CD44: variants seen among roughly 807,000 people sequenced by gnomAD.
CD44 encodes the protein CD44 antigen.
In CD44, 49 loss-of-function variants were observed where a neutral mutation model predicts 88.8. That is an observed-to-expected ratio of 0.55 (90% CI 0.44 to 0.70). CD44 has a LOEUF of 0.70. CD44 is among the 30% of genes least tolerant of loss of function. The pLI, the probability that CD44 is intolerant of heterozygous loss-of-function variation, is 0.00. For missense variants in CD44, 883 were observed against 913.8 expected (o/e 0.97, Z 0.43); for synonymous variants, 325 against 312.3 (o/e 1.04, Z -0.43).
At chr11:35,145,338 C>T (rs919263769) in intron 1 of CD44, among the ~76,000 whole-genome samples, 4 of 152,144 alleles carry the variant, frequency 2.6e-5, no homozygotes, top group Admixed American at 2.6e-4. Context: ...AGCATGCTGT[C>T]AGTATGGGCT....
In CD44 at chr11:35,226,915, T is replaced by C. The variant is rs551169320; in HGVS notation, c.2025-2214T>C. ...TTTTTTTTTTTTTGAGACGGAGTCT[T>C]ACTGTGTCACCCAGGCTGGAGTGCG... On this transcript the variant is annotated intron_variant, in intron 17 of 17. Coordinates refer to ENST00000428726, the MANE Select transcript of CD44 (RefSeq NM_000610.4). Among the ~76,000 whole-genome samples, 1,003 of 143,656 alleles carry C rather than the reference T, an allele frequency of 7.0e-3. 20 individuals are homozygous for C. Among genetic ancestry groups the C allele is most frequent in the African/African-American group, 0.025 (945 of 37,778 alleles). The allele number at this position is 143,656 out of a possible 152,430, so 94.2% of individuals were successfully genotyped here. A position where few individuals can be genotyped will look rare whatever the true frequency, so the allele number is the denominator to read the frequency against.
intron 1 of CD44, among the ~76,000 whole-genome samples, chr11:35,150,991 A>G (rs146731233): frequency 2.0e-5 from 3 of 152,366 alleles, no homozygotes; most frequent in Non-Finnish European, 4.4e-5. Flanking sequence ...AAAGTTAAAC[A>G]GGTGAAAGAA....
rs75713029 is a variant in CD44, at chr11:35,226,335, A to C, written c.2025-2794A>C. Among the ~76,000 whole-genome samples, 728 of 152,294 alleles carry C rather than the reference A, an allele frequency of 4.8e-3. 4 individuals carry two copies. The highest frequency in any genetic ancestry group is 0.017 in the African/African-American group (697 of 41,546). ...TCACTTTCCCACAATATTTCATTCC[A>C]TCCCTCAACCACCCATTGGTTAGGG... On this transcript the variant is annotated intron_variant, in intron 17 of 17. Transcript: ENST00000428726.
intron 14 of CD44, 46 bp downstream of exon 14, chr11:35,211,495 A>C (rs34784484): frequency 7.2e-7 from 1 of 1,393,428 alleles, no homozygotes; most frequent in Non-Finnish European, 1.0e-6. Flanking sequence ...ATATAGAGAA[A>C]CAATATATAG....
intron 1 of CD44, among the ~76,000 whole-genome samples, chr11:35,147,869 A>T (rs1027126862): frequency 1.3e-5 from 2 of 152,060 alleles, no homozygotes; most frequent in Non-Finnish European, 2.9e-5. Context: ...CAGGCGGATG[A>T]CCTGAGGTCG....
chr11:35,221,182 TGTAGTGC>T (rs1949267028), intron 16 of CD44, among the ~76,000 whole-genome samples: 1 of 152,224 alleles, frequency 6.6e-6, no homozygotes, highest in Non-Finnish European at 1.5e-5. Context: ...CTCCTCATAT[TGTAGTGC>T]GTAATGCAAT....
rs527895781 is a variant in CD44 at position 35,208,321 on chromosome 11, C to A, written c.1516+115C>A. ...TGGAATGGTGCTATGTGGCTTACTT[C>A]AGCCCAGAGTGTGAAACTGTCTTCA... is the stretch of plus-strand genomic sequence containing the variant. On this transcript the variant is annotated intron_variant, in intron 12 of 17. Transcript: ENST00000428726. 5.9e-5 allele frequency: 44 copies of A among 742,710 alleles called. No homozygotes were observed. In the African/African-American group the frequency reaches 6.9e-4, roughly 12 times the overall value. 46.0% of individuals were successfully genotyped at this position (742,710 alleles called of 1,614,324 possible). A position where few individuals can be genotyped will look rare whatever the true frequency, so the allele number is the denominator to read the frequency against.
rs1859013629 is a variant in CD44, at chr11:35,145,724, C to T, written c.67+6354C>T. ...GGGTGAGAGGCCCACACTCCTCCAA[C>T]CCCCATGTCTGCTTCTGGAAGGTGG... On this transcript the variant is annotated intron_variant, in intron 1 of 17. Coordinates refer to ENST00000428726, the MANE Select transcript of CD44 (RefSeq NM_000610.4). Among the ~76,000 whole-genome samples the T allele has an allele frequency of 2.0e-5, 3 of 152,294 alleles. No homozygotes were observed. The South Asian group carries it at 6.2e-4, about 32-fold the overall frequency.
At chr11:35,203,608 A>T (rs771686758) in intron 9 of CD44, among the ~76,000 whole-genome samples, 1 of 152,158 alleles carries the variant, frequency 6.6e-6, no homozygotes, top group Non-Finnish European at 1.5e-5. Flanking sequence ...ACCAAATCAC[A>T]CATATCATTT....
chr11:35,204,623 C>G lies in CD44; in HGVS notation c.1265C>G (p.Ser422Trp), dbSNP rs146499680. 2 of 1,613,008 alleles carry G rather than the reference C, an allele frequency of 1.2e-6. No individual in the cohort carries two copies. Among genetic ancestry groups the G allele is most frequent in the Non-Finnish European group, 1.7e-6 (2 of 1,179,214 alleles). The change falls in exon 10 of 18, where the codon TCG (serine) becomes TGG (tryptophan). Residue 422 changes from serine to tryptophan, a missense_variant. Transcript: ENST00000428726. ...YRQTPKEDSH[S>W]TTGTAAASAH... ...CAAACACCCAAAGAAGACTCCCATT[C>G]GACAACAGGGACAGCTGGTAATGGA...
chr11:35,223,158 G>A, intron 17 of CD44: 2 of 985,392 alleles, frequency 2.0e-6, no homozygotes, highest in African/African-American at 3.5e-5. Context: ...ACAAAACTGA[G>A]AGAAAAAATC....
chr11:35,144,822 C>G (rs1858800660), intron 1 of CD44, among the ~76,000 whole-genome samples: 1 of 152,210 alleles, frequency 6.6e-6, no homozygotes, highest in Non-Finnish European at 1.5e-5. Context: ...AAGTCAAACA[C>G]TTTTTAAAAA....
intron 1 of CD44, among the ~76,000 whole-genome samples, chr11:35,141,374 C>A (rs1857897609): frequency 6.6e-6 from 1 of 152,196 alleles, no homozygotes; most frequent in Non-Finnish European, 1.5e-5. Context: ...CCAAAAGGGA[C>A]TGGAGCTCAA....
chr11:35,204,539 A>G lies in CD44; in HGVS notation c.1181A>G (p.Glu394Gly). 6.2e-7 allele frequency: 1 copy of G among 1,613,476 alleles called. No homozygotes were observed. Among genetic ancestry groups the G allele is most frequent in the Non-Finnish European group, 8.5e-7 (1 of 1,179,502 alleles). The change falls in exon 10 of 18, where the codon GAA becomes GGA. Residue 394 changes from glutamate (E) to glycine (G), a missense_variant. Glu to Gly is a moderately conservative substitution (Grantham distance 98, BLOSUM62 -2). Transcript: ENST00000428726. ...TIQATPSSTT[E>G]ETATQKEQWF... is the part of the protein sequence containing the mutation. ...CAGGCAACTCCTAGTAGTACAACGG[A>G]AGAAACAGCTACCCAGAAGGAACAG...
intron 9 of CD44, among the ~76,000 whole-genome samples, chr11:35,203,498 T>C (rs1411917046): frequency 2.6e-5 from 4 of 152,146 alleles, no homozygotes; most frequent in Non-Finnish European, 4.4e-5. Context: ...GATTTTGGCT[T>C]TTTTCCCCCT....
intron 1 of CD44, among the ~76,000 whole-genome samples, chr11:35,144,625 G>T (rs1240857030): frequency 6.6e-6 from 1 of 152,098 alleles, no homozygotes; most frequent in African/African-American, 2.4e-5. Flanking sequence ...AACCGGAAGG[G>T]GTGCTTTCTA....
chr11:35,145,708 G>A (rs1011982297), intron 1 of CD44, among the ~76,000 whole-genome samples: 2 of 152,160 alleles, frequency 1.3e-5, no homozygotes, highest in African/African-American at 4.8e-5. Flanking sequence ...TGGGTGAGAG[G>A]CCCACACTCC....
chr11:35,211,843 T>C (rs1398302389), intron 14 of CD44, among the ~76,000 whole-genome samples: 9 of 152,224 alleles, frequency 5.9e-5, no homozygotes, highest in African/African-American at 1.7e-4. Flanking sequence ...ATTCGACTAA[T>C]ATACTCTACT....
intron 2 of CD44, among the ~76,000 whole-genome samples, chr11:35,177,539 G>A (rs1279249074): frequency 1.3e-5 from 2 of 152,228 alleles, no homozygotes; most frequent in Non-Finnish European, 2.9e-5. Context: ...GCCTGTAGCT[G>A]TGCTTTTGCA....
Sources: allele counts gnomAD v4.1 joint callset (sites outside exome capture counted in the v4.1 genomes callset), GRCh38; gene constraint gnomAD v4.1.1; transcripts MANE v1.5; gene names NCBI Gene and HGNC (gene_info 2026-07-23, HGNC 2026-07-21).